Variants in CRADD observed in about 807,000 individuals in gnomAD.
The protein encoded by CRADD is death domain-containing protein CRADD.
Under a neutral mutation model 15.5 loss-of-function variants are expected in CRADD, and 9 were observed. That is an observed-to-expected ratio of 0.58 (90% CI 0.35 to 1.01). The LOEUF (loss-of-function observed/expected upper bound fraction) is 1.01. Ranked by LOEUF, CRADD falls within the 50% of genes least tolerant of loss-of-function variation. The pLI is 0.02. For missense variants in CRADD, 227 were observed against 250.3 expected (o/e 0.91, Z 0.63); for synonymous variants, 118 against 107.6 (o/e 1.10, Z -0.60).
intron 2 of CRADD, among the ~76,000 whole-genome samples, chr12:93,832,168 A>T (rs1357787118): frequency 1.3e-5 from 2 of 152,176 alleles, no homozygotes; most frequent in Non-Finnish European, 2.9e-5. Context: ...TCACCATATC[A>T]CTGCCCCTTA....
intron 2 of CRADD, among the ~76,000 whole-genome samples, chr12:93,722,844 C>T (rs1956289060): frequency 6.6e-6 from 1 of 152,120 alleles, no homozygotes; most frequent in Admixed American, 6.5e-5. Flanking sequence ...TCTCTTCAAA[C>T]TGTGTTGTTT....
At chr12:93,742,144 C>G (rs1451966307) in intron 2 of CRADD, among the ~76,000 whole-genome samples, 1 of 152,118 alleles carries the variant, frequency 6.6e-6, no homozygotes, top group Admixed American at 6.5e-5. Flanking sequence ...ATGAAGTTCC[C>G]GAGCAGCATC....
At chr12:93,827,686 A>G (rs1395089569) in intron 2 of CRADD, among the ~76,000 whole-genome samples, 2 of 152,116 alleles carry the variant, frequency 1.3e-5, no homozygotes, top group East Asian at 3.8e-4. Context: ...AGTGTATGAG[A>G]GTTCCGTTTC....
At chr12:93,791,757 G>C (rs779844462) in intron 2 of CRADD, among the ~76,000 whole-genome samples, 1 of 151,772 alleles carries the variant, frequency 6.6e-6, no homozygotes, top group Non-Finnish European at 1.5e-5. Context: ...TATAAGCATA[G>C]GTATAAGCAT....
chr12:93,806,370 T>G (rs1957537497), intron 2 of CRADD, among the ~76,000 whole-genome samples: 1 of 143,082 alleles, frequency 7.0e-6, no homozygotes, highest in Admixed American at 7.7e-5. Context: ...GAGAATCACT[T>G]GAACCCGGGA....
chr12:93,879,844 C>A (rs535767936), intron 2 of CRADD, among the ~76,000 whole-genome samples: 1 of 152,308 alleles, frequency 6.6e-6, no homozygotes, highest in South Asian at 2.1e-4. Context: ...ACTGGCCTGG[C>A]ACTTCGACTA....
At chr12:93,761,651 C>G (rs565257659) in intron 2 of CRADD, among the ~76,000 whole-genome samples, 6 of 152,248 alleles carry the variant, frequency 3.9e-5, no homozygotes, top group African/African-American at 1.4e-4. Context: ...TCCTACAACT[C>G]TTTAAGTTCA....
chr12:93,887,079 G>A (rs537949213), intron 2 of CRADD, among the ~76,000 whole-genome samples: 11 of 152,300 alleles, frequency 7.2e-5, no homozygotes, highest in Non-Finnish European at 1.2e-4. Context: ...TGCACTTCCT[G>A]TAGTGTAACA....
rs374257831 is a variant in CRADD at position 93,688,803 on chromosome 12, G to A, written c.298+9731G>A. Reference sequence around the variant, plus strand: ...TCATATCTTATAAAACCACTTTCTCGGCATTCAGTTTTCTCCTCTTCCTAA... The same window carrying A: ...TCATATCTTATAAAACCACTTTCTCAGCATTCAGTTTTCTCCTCTTCCTAA... On this transcript the variant is annotated intron_variant, in intron 2 of 2. Transcript: ENST00000332896. 2.8e-4 allele frequency among the ~76,000 whole-genome samples: 43 copies of A among 152,138 alleles called. 1 individual carries two copies. Among genetic ancestry groups the A allele is most frequent in the African/African-American group, 9.4e-4 (39 of 41,490 alleles).
At chr12:93,754,264 G>A (rs531858302) in intron 2 of CRADD, among the ~76,000 whole-genome samples, 10 of 152,354 alleles carry the variant, frequency 6.6e-5, no homozygotes, top group African/African-American at 2.4e-4. Context: ...CCTGGTCCAT[G>A]AAACCATTTT....
chr12:93,790,982 G>A (rs1373256526), intron 2 of CRADD, among the ~76,000 whole-genome samples: 4 of 148,576 alleles, frequency 2.7e-5, no homozygotes, highest in Admixed American at 1.3e-4. Flanking sequence ...CCCACCCCCC[G>A]ACTTCCTGCC....
intron 2 of CRADD, among the ~76,000 whole-genome samples, chr12:93,742,405 G>A (rs1343308732): frequency 6.6e-6 from 1 of 150,626 alleles, no homozygotes; most frequent in Non-Finnish European, 1.5e-5. Flanking sequence ...CGCGCAGCGG[G>A]GCAGGGAGGC....
intron 2 of CRADD, among the ~76,000 whole-genome samples, chr12:93,884,601 TG>T (rs1174825487): frequency 6.6e-6 from 1 of 152,198 alleles, no homozygotes; most frequent in African/African-American, 2.4e-5. Flanking sequence ...TGTGGTGAGC[TG>T]GGATTCAATC....
At chr12:93,829,272 C>A (rs932625919) in intron 2 of CRADD, among the ~76,000 whole-genome samples, 1 of 152,080 alleles carries the variant, frequency 6.6e-6, no homozygotes, top group African/African-American at 2.4e-5. Flanking sequence ...TCTCCTTCCC[C>A]CAGCTGGCTG....
chr12:93,852,092 C>T (rs1305570502), downstream of CRADD, among the ~76,000 whole-genome samples: 2 of 152,180 alleles, frequency 1.3e-5, no homozygotes, highest in Non-Finnish European at 2.9e-5. Context: ...ATGCTTTTGG[C>T]CATATCACTG....
chr12:93,821,806 A>G (rs1957772327), intron 2 of CRADD, among the ~76,000 whole-genome samples: 1 of 152,096 alleles, frequency 6.6e-6, no homozygotes, highest in Non-Finnish European at 1.5e-5. Context: ...CCACTCTTTA[A>G]GGGATGTGAA....
chr12:93,868,686 G>GCACACA lies in CRADD; in HGVS notation c.299-25341_299-25336dup, dbSNP rs570970896. Among the ~76,000 whole-genome samples the GCACACA allele has an allele frequency of 7.2e-3, 1,023 of 142,906 alleles. 6 individuals carry two copies. The highest frequency in any genetic ancestry group is 0.023 in the African/African-American group (904 of 39,242). 93.8% of individuals were successfully genotyped at this position (142,906 alleles called of 152,430 possible). Reference sequence around the variant, plus strand: ...TTCTCTCTCTCCCTCTCTCTCTCTTGCACACACACACACACACACACACAC... The same window carrying GCACACA: ...TTCTCTCTCTCCCTCTCTCTCTCTTGCACACACACACACACACACACACACACACAC... On this transcript the variant is annotated intron_variant, in intron 2 of 2. Transcript: ENST00000548483.
chr12:93,744,283 T>C (rs1956722508), intron 2 of CRADD, among the ~76,000 whole-genome samples: 1 of 152,210 alleles, frequency 6.6e-6, no homozygotes, highest in Non-Finnish European at 1.5e-5. Flanking sequence ...GTGGTAGTTG[T>C]ACTGGGGGCC....
At position 93,754,295 on chromosome 12, in the gene CRADD, C is replaced by T. The variant is rs139998231; in HGVS notation, c.298+75223C>T. On this transcript the variant is annotated intron_variant, in intron 2 of 2. Coordinates refer to ENST00000332896, the MANE Select transcript of CRADD (RefSeq NM_003805.5). Reference sequence around the variant, plus strand: ...ATTTTTTCCTGCTAGGCCTCTGGGCCTGTGATGGGAGAGACTACCTCAAAG... The same window carrying T: ...ATTTTTTCCTGCTAGGCCTCTGGGCTTGTGATGGGAGAGACTACCTCAAAG... 3.7e-3 allele frequency among the ~76,000 whole-genome samples: 557 copies of T among 152,356 alleles called. 3 individuals are homozygous for T. The highest frequency in any genetic ancestry group is 0.013 in the African/African-American group (537 of 41,574).
Sources: allele counts gnomAD v4.1 joint callset (sites outside exome capture counted in the v4.1 genomes callset), GRCh38; gene constraint gnomAD v4.1.1; transcripts MANE v1.5; gene names NCBI Gene and HGNC (gene_info 2026-07-23, HGNC 2026-07-21).